ARHGEF10L: variants seen among roughly 807,000 people sequenced by gnomAD.
ARHGEF10L encodes rho guanine nucleotide exchange factor 10-like protein.
ARHGEF10L carries 69 observed loss-of-function variants against 141.2 expected under a neutral mutation model. The ratio of observed to expected loss-of-function variants is 0.49; its 90% CI spans 0.40 to 0.60. The LOEUF is 0.60. ARHGEF10L is among the 20% of genes least tolerant of loss of function. ARHGEF10L has a pLI of 0.00. For missense variants in ARHGEF10L, 1,482 were observed against 1,734.3 expected (o/e 0.85, Z 2.58); for synonymous variants, 711 against 718.5 (o/e 0.99, Z 0.17).
the ARHGEF10L span, among the ~76,000 whole-genome samples, chr1:17,520,564 G>A: frequency 6.6e-6 from 1 of 152,070 alleles, no homozygotes; most frequent in Non-Finnish European, 1.5e-5. Context: ...ACACCCTTGT[G>A]TGTCAGGCCC....
At chr1:17,683,566 C>T (rs569414063) in intron 26 of ARHGEF10L, among the ~76,000 whole-genome samples, 10 of 152,342 alleles carry the variant, frequency 6.6e-5, no homozygotes, top group African/African-American at 2.4e-4. Context: ...GGACTCCAGG[C>T]TCGTGGTGTG....
At chr1:17,661,150 C>T (rs935320621) in intron 25 of ARHGEF10L, among the ~76,000 whole-genome samples, 1 of 152,050 alleles carries the variant, frequency 6.6e-6, no homozygotes, top group Non-Finnish European at 1.5e-5. Flanking sequence ...CAGTGGCACT[C>T]CACTGCAACC....
At chr1:17,636,057 A>G (rs2060979953) in intron 18 of ARHGEF10L, among the ~76,000 whole-genome samples, 1 of 152,148 alleles carries the variant, frequency 6.6e-6, no homozygotes, top group Non-Finnish European at 1.5e-5. Context: ...GGGTAGGAAG[A>G]GTCCTCTGCC....
rs1329071960 is a variant in ARHGEF10L, at chr1:17,654,964, A to G, written c.2481+242A>G. Among the ~76,000 whole-genome samples the G allele has an allele frequency of 2.0e-5, 3 of 152,122 alleles. No homozygotes were observed. Among genetic ancestry groups the G allele is most frequent in the Non-Finnish European group, 4.4e-5 (3 of 68,012 alleles). ...GAGAGTGTGCCTTTTGCAAATGGTGACAGGGCTGAGAAGGAAGTGAAAGGG... is the reference window on the plus strand; with the variant it reads ...GAGAGTGTGCCTTTTGCAAATGGTGGCAGGGCTGAGAAGGAAGTGAAAGGG... On this transcript the variant is annotated intron_variant, in intron 23 of 28. Coordinates refer to ENST00000361221, the MANE Select transcript of ARHGEF10L (RefSeq NM_018125.4). The surrounding 1 kb of genome is among the most constrained non-coding windows in gnomAD (Gnocchi z 4.3).
At chr1:17,574,154 G>A in intron 1 of ARHGEF10L, among the ~76,000 whole-genome samples, 1 of 152,058 alleles carries the variant, frequency 6.6e-6, no homozygotes, top group Non-Finnish European at 1.5e-5. Flanking sequence ...CTTCCACCCT[G>A]GGCCTGGGAC....
chr1:17,649,031 C>T (rs113220371), intron 22 of ARHGEF10L, among the ~76,000 whole-genome samples: 108 of 152,362 alleles, frequency 7.1e-4, no homozygotes, highest in African/African-American at 2.3e-3. Context: ...AGGCGGGAGC[C>T]GGCTTTGGCG....
rs1419758599 is a variant in ARHGEF10L, at chr1:17,615,944, T to C, written c.727-150T>C. On this transcript the variant is annotated intron_variant, in intron 8 of 28. Transcript: ENST00000361221. This position sits in a 1 kb window ranked among gnomAD's most constrained non-coding sequence, Gnocchi z 4.7. The stretch of plus-strand genomic sequence containing the variant: ...CATGAACGCACCTTCTCACCCCCAC[T>C]GTCGTCCTTGGCCTTTGCTCACGGA... The C allele has an allele frequency of 9.0e-6, 6 of 663,508 alleles. No homozygotes were observed. The highest frequency in any genetic ancestry group is 1.6e-5 in the Non-Finnish European group (6 of 364,990). 41.1% of individuals were successfully genotyped at this position (663,508 alleles called of 1,614,324 possible).
At chr1:17,539,591 C>T (rs1226655086), upstream of ARHGEF10L, among the ~76,000 whole-genome samples, 1 of 151,632 alleles carries the variant, frequency 6.6e-6, no homozygotes, top group Non-Finnish European at 1.5e-5. This position sits in a 1 kb window ranked among gnomAD's most constrained non-coding sequence, Gnocchi z 6.0. Context: ...TCCCTCGCGG[C>T]GCGCTGGGAG....
At chr1:17,582,004 C>T (rs2078612721) in intron 2 of ARHGEF10L, among the ~76,000 whole-genome samples, 1 of 152,126 alleles carries the variant, frequency 6.6e-6, no homozygotes, top group Non-Finnish European at 1.5e-5. Context: ...TGTCCAGGAA[C>T]ATCAGAGGCA....
At chr1:17,651,317 C>T (rs1041695124) in intron 22 of ARHGEF10L, among the ~76,000 whole-genome samples, 6 of 152,108 alleles carry the variant, frequency 3.9e-5, no homozygotes, top group Non-Finnish European at 8.8e-5. Context: ...TGATAGATGG[C>T]GTATGCCAGA....
chr1:17,561,459 C>T (rs1264704150), intron 1 of ARHGEF10L, among the ~76,000 whole-genome samples: 10 of 152,214 alleles, frequency 6.6e-5, no homozygotes, highest in Non-Finnish European at 1.5e-5. Flanking sequence ...CAGTCAGAGG[C>T]AGCCCCAATG....
At chr1:17,659,677 A>G (rs1017061751) in intron 25 of ARHGEF10L, among the ~76,000 whole-genome samples, 1 of 152,242 alleles carries the variant, frequency 6.6e-6, no homozygotes, top group Non-Finnish European at 1.5e-5. Context: ...ATCTTCGTCT[A>G]GAAGCAGGTA....
chr1:17,547,795 G>GCCA (rs2076969116), intron 1 of ARHGEF10L, among the ~76,000 whole-genome samples: 1 of 152,136 alleles, frequency 6.6e-6, no homozygotes, highest in South Asian at 2.1e-4. Flanking sequence ...AAATCATTTT[G>GCCA]CCACCTGAAG....
At chr1:17,695,422 A>T in intron 28 of ARHGEF10L, 142 bp downstream of exon 28, 3 of 1,235,594 alleles carry the variant, frequency 2.4e-6, no homozygotes, top group Non-Finnish European at 2.2e-6. Context: ...CTCAGGTGGC[A>T]TGGTGGCCAG....
chr1:17,515,146 G>C, the ARHGEF10L span, among the ~76,000 whole-genome samples: 1 of 152,154 alleles, frequency 6.6e-6, no homozygotes, highest in Non-Finnish European at 1.5e-5. Flanking sequence ...TCCTCAATGG[G>C]GGGCAACTTG....
intron 26 of ARHGEF10L, among the ~76,000 whole-genome samples, chr1:17,669,107 A>T (rs1427231679): frequency 6.6e-6 from 1 of 152,166 alleles, no homozygotes; most frequent in East Asian, 1.9e-4. Flanking sequence ...CCTTCAGAGG[A>T]AGGGCATTCC....
At chr1:17,580,980 A>G (rs1449692530) in intron 2 of ARHGEF10L, among the ~76,000 whole-genome samples, 1 of 152,124 alleles carries the variant, frequency 6.6e-6, no homozygotes. Flanking sequence ...GCCGTTGAAC[A>G]GTGGTAGCAT....
upstream of ARHGEF10L, among the ~76,000 whole-genome samples, chr1:17,536,388 G>C (rs1344316825): frequency 6.6e-6 from 1 of 152,070 alleles, no homozygotes; most frequent in Non-Finnish European, 1.5e-5. Flanking sequence ...GTGGTAGGGG[G>C]GTCACTTAAG....
At chr1:17,685,886 C>T (rs1220657353) in intron 26 of ARHGEF10L, among the ~76,000 whole-genome samples, 1 of 152,220 alleles carries the variant, frequency 6.6e-6, no homozygotes, top group Non-Finnish European at 1.5e-5. Flanking sequence ...ATAAATGCCC[C>T]GTCCAGGATC....
Sources: allele counts gnomAD v4.1 joint callset (sites outside exome capture counted in the v4.1 genomes callset), GRCh38; gene constraint gnomAD v4.1.1; non-coding constraint Gnocchi (gnomAD v3.1); transcripts MANE v1.5; gene names NCBI Gene and HGNC (gene_info 2026-07-23, HGNC 2026-07-21).